TTC17: variants seen among roughly 807,000 people sequenced by gnomAD.
TTC17 encodes the protein tetratricopeptide repeat protein 17.
TTC17 carries 58 observed loss-of-function variants against 143.8 expected under a neutral mutation model. The ratio of observed to expected loss-of-function variants is 0.40; its 90% CI spans 0.33 to 0.50. The LOEUF (loss-of-function observed/expected upper bound fraction) is 0.50. Among genes scored for constraint, TTC17 ranks in the 20% least tolerant of loss-of-function variants. The probability of loss-of-function intolerance (pLI) is 0.49; values close to 1 mark genes in which losing one functional copy is unlikely to be tolerated. For synonymous variants in TTC17, 501 were observed against 497.8 expected (o/e 1.01, Z -0.09); for missense variants, 1,273 against 1,392.5 (o/e 0.91, Z 1.37).
chr11:43,419,578 C>T (rs891106737), intron 16 of TTC17, among the ~76,000 whole-genome samples: 1 of 152,170 alleles, frequency 6.6e-6, no homozygotes, highest in African/African-American at 2.4e-5. Context: ...TATATACTGC[C>T]TGCAATGAAG....
rs1448541324 is a variant in TTC17 at position 43,476,863 on chromosome 11, A to ATT, written c.3031-13374_3031-13373dup. On this transcript the variant is annotated intron_variant, in intron 21 of 23. Coordinates refer to ENST00000039989, the MANE Select transcript of TTC17 (RefSeq NM_018259.6). ...ATTAGACTCCTTGCTACTTATGCAGATTTCTGCAGCTGGCTTGAATTTCTC... is the reference window on the plus strand; with the variant it reads ...ATTAGACTCCTTGCTACTTATGCAGATTTTTCTGCAGCTGGCTTGAATTTCTC... Among the ~76,000 whole-genome samples, 4 of 151,556 alleles carry ATT rather than the reference A, an allele frequency of 2.6e-5. No homozygotes were observed. The East Asian group carries it at 7.7e-4, about 29-fold the overall frequency.
At chr11:43,452,861 T>G (rs1190115747) in intron 21 of TTC17, among the ~76,000 whole-genome samples, 2 of 151,700 alleles carry the variant, frequency 1.3e-5, no homozygotes, top group African/African-American at 4.9e-5. Context: ...AAGTTGAGGT[T>G]GCAGTAAGCT....
intron 21 of TTC17, among the ~76,000 whole-genome samples, chr11:43,485,435 G>A (rs1426936012): frequency 6.6e-6 from 1 of 151,966 alleles, no homozygotes; most frequent in Non-Finnish European, 1.5e-5. Context: ...TTCTGGCTAT[G>A]GAGTAAGGAA....
At chr11:43,390,546 G>A (rs1176372665) in intron 3 of TTC17, among the ~76,000 whole-genome samples, 4 of 151,664 alleles carry the variant, frequency 2.6e-5, no homozygotes, top group Non-Finnish European at 1.5e-5. Context: ...AACCCAGGAG[G>A]CAGAGCTTGC....
intron 2 of TTC17, among the ~76,000 whole-genome samples, chr11:43,386,252 A>C (rs1347741850): frequency 6.6e-6 from 1 of 152,194 alleles, no homozygotes; most frequent in Non-Finnish European, 1.5e-5. Context: ...ATTGATAGTC[A>C]TGCATTGCTT....
intron 5 of TTC17, chr11:43,395,294 G>T (rs994734929): frequency 6.6e-6 from 1 of 151,978 alleles, no homozygotes; most frequent in Non-Finnish European, 1.5e-5. Flanking sequence ...TGGTGATGGG[G>T]TTTCACCATG....
intron 10 of TTC17, among the ~76,000 whole-genome samples, chr11:43,403,756 G>A (rs2862933): frequency 0.089 from 13,534 of 152,146 alleles, 897 homozygotes; most frequent in Admixed American, 0.23. Context: ...ACAGGAAAAC[G>A]ACCTATGCCA....
At position 43,464,518 on chromosome 11, in the gene TTC17, G is replaced by T. The variant is rs187581990; in HGVS notation, c.3030+13253G>T. 2.3e-3 allele frequency among the ~76,000 whole-genome samples: 347 copies of T among 151,936 alleles called. 3 individuals carry two copies. The highest frequency in any genetic ancestry group is 7.9e-3 in the African/African-American group (329 of 41,448). On this transcript the variant is annotated intron_variant, in intron 21 of 23. Transcript: ENST00000039989. ...AAAAAAACTTGCATTTCAAACAGGC[G>T]CAATGAACAAAATGAAAAGCTGGGA... is the stretch of plus-strand genomic sequence containing the variant.
intron 18 of TTC17, chr11:43,446,123 C>A (rs1947535164): frequency 5.7e-6 from 8 of 1,413,808 alleles, no homozygotes; most frequent in Non-Finnish European, 6.5e-6. Flanking sequence ...CAGCCCGCCT[C>A]TGTGTACCCT....
chr11:43,455,977 G>A lies in TTC17; in HGVS notation c.3030+4712G>A, dbSNP rs184825245. Among the ~76,000 whole-genome samples the A allele has an allele frequency of 3.0e-4, 46 of 152,064 alleles. No homozygotes were observed. The East Asian group carries it at 8.7e-3, about 29-fold the overall frequency. ...AAATAGTAGCAAACATAATCTAACA[G>A]CATATTTTGAAAAATACATCATGAC... On this transcript the variant is annotated intron_variant, in intron 21 of 23. Coordinates refer to ENST00000039989, the MANE Select transcript of TTC17 (RefSeq NM_018259.6).
intron 1 of TTC17, among the ~76,000 whole-genome samples, chr11:43,377,075 C>T (rs960700417): frequency 6.6e-6 from 1 of 152,046 alleles, no homozygotes; most frequent in Non-Finnish European, 1.5e-5. Flanking sequence ...GGGCGAATCA[C>T]GAGGTCAGGA....
chr11:43,360,377 A>G (rs540601003), intron 1 of TTC17, among the ~76,000 whole-genome samples: 123 of 152,252 alleles, frequency 8.1e-4, no homozygotes, highest in African/African-American at 2.9e-3. Flanking sequence ...ATATATGTGT[A>G]TGTGTTTCAG....
chr11:43,433,135 G>A (rs1947197679), intron 16 of TTC17, among the ~76,000 whole-genome samples: 1 of 152,134 alleles, frequency 6.6e-6, no homozygotes, highest in Non-Finnish European at 1.5e-5. Flanking sequence ...CAAGTAGCTG[G>A]GACTACCGGC....
At chr11:43,404,232 C>T in intron 11 of TTC17, 88 bp downstream of exon 11, 1 of 1,273,682 alleles carries the variant, frequency 7.9e-7, no homozygotes, top group African/African-American at 1.5e-5. Flanking sequence ...ATTAATATGG[C>T]CTCTATGACT....
chr11:43,491,923 C>T (rs1201975341), intron 22 of TTC17, 97 bp from the exon 23 acceptor site: 2 of 1,511,186 alleles, frequency 1.3e-6, no homozygotes, highest in Non-Finnish European at 1.8e-6. Flanking sequence ...TAATCATTCA[C>T]CAGGAAACAC....
At chr11:43,415,186 G>T (rs577833401) in intron 16 of TTC17, among the ~76,000 whole-genome samples, 1 of 152,192 alleles carries the variant, frequency 6.6e-6, no homozygotes, top group South Asian at 2.1e-4. Flanking sequence ...ACAGCTCCTT[G>T]TCTTTCATTG....
At chr11:43,364,261 C>A (rs1375473227) in intron 1 of TTC17, among the ~76,000 whole-genome samples, 1 of 151,782 alleles carries the variant, frequency 6.6e-6, no homozygotes, top group Non-Finnish European at 1.5e-5. Context: ...TTCTTCATGT[C>A]GGCCAGGCTG....
At chr11:43,463,203 C>T (rs950287234) in intron 21 of TTC17, among the ~76,000 whole-genome samples, 14 of 152,084 alleles carry the variant, frequency 9.2e-5, no homozygotes, top group Middle Eastern at 3.4e-3. Context: ...TGTAAGCCAC[C>T]GTGCCCGGCC....
chr11:43,400,563 C>T (rs371090669), intron 9 of TTC17, among the ~76,000 whole-genome samples: 5 of 152,086 alleles, frequency 3.3e-5, no homozygotes, highest in African/African-American at 1.2e-4. Flanking sequence ...TTTTCTTGCT[C>T]TCTTAAAAAC....
Sources: gnomAD v4.1 joint callset for allele counts (sites outside exome capture counted in the v4.1 genomes callset) on GRCh38, gnomAD v4.1.1 for gene constraint, MANE v1.5 for transcripts, NCBI Gene and HGNC (gene_info 2026-07-23, HGNC 2026-07-21) for gene names.